The following CDH8 variants were observed in gnomAD, a reference collection of about 807,000 sequenced individuals.
CDH8 encodes cadherin 8.
Under a neutral mutation model 68.1 loss-of-function variants are expected in CDH8, and 17 were observed. That is an observed-to-expected ratio of 0.25 (90% CI 0.17 to 0.37). CDH8 has a LOEUF of 0.37. Ranked by LOEUF, CDH8 falls within the 10% of genes least tolerant of loss-of-function variation. CDH8 has a pLI of 1.00. For missense variants in CDH8, 763 were observed against 999.3 expected (o/e 0.76, Z 3.19); for synonymous variants, 372 against 365.1 (o/e 1.02, Z -0.21).
intron 10 of CDH8, among the ~76,000 whole-genome samples, chr16:61,683,379 C>T (rs540561657): frequency 6.6e-6 from 1 of 151,914 alleles, no homozygotes; most frequent in Non-Finnish European, 1.5e-5. Flanking sequence ...AATTAACAGA[C>T]CTTTAGAAGG....
chr16:61,872,304 G>C (rs1160234748), intron 3 of CDH8, among the ~76,000 whole-genome samples: 2 of 152,176 alleles, frequency 1.3e-5, no homozygotes, highest in Non-Finnish European at 2.9e-5. Flanking sequence ...AGGAGGTCCT[G>C]ATAACATGTG....
At chr16:61,779,446 T>TGTGTGTGTGTGTGTGTGTGCGC (rs1567466506) in intron 8 of CDH8, among the ~76,000 whole-genome samples, 2 of 148,976 alleles carry the variant, frequency 1.3e-5, no homozygotes, top group African/African-American at 5.0e-5. Context: ...TGTGTGTGTG[T>TGTGTGTGTGTGTGTGTGTGCGC]GTGTGTGTGT....
chr16:61,907,449 T>G (rs1567522924), intron 2 of CDH8, among the ~76,000 whole-genome samples: 1 of 151,886 alleles, frequency 6.6e-6, no homozygotes, highest in Non-Finnish European at 1.5e-5. Flanking sequence ...GAGGCTGAGG[T>G]GGGCAGATTG....
At chr16:61,961,314 CAA>C (rs796223369) in intron 2 of CDH8, among the ~76,000 whole-genome samples, 1 of 142,254 alleles carries the variant, frequency 7.0e-6, no homozygotes. Context: ...GACATAGTCT[CAA>C]AAAAAAAAAG....
chr16:61,824,635 C>T (rs189893773), intron 5 of CDH8, among the ~76,000 whole-genome samples: 146 of 151,914 alleles, frequency 9.6e-4, no homozygotes, highest in African/African-American at 2.6e-3. Flanking sequence ...TTCCCTACCT[C>T]GGGCACTAGA....
rs565221698 is a variant in CDH8, at chr16:61,884,014, A to G, written c.547+17165T>C. On this transcript the variant is annotated intron_variant, in intron 3 of 11. Coordinates refer to ENST00000577390, the MANE Select transcript of CDH8 (RefSeq NM_001796.5). ...GTGAATTTCTGTTAGAAAAAAAAGG[A>G]AAGTGTGATTAAAATGGGTTAGACA... Among the ~76,000 whole-genome samples, 13 of 152,240 alleles carry G rather than the reference A, an allele frequency of 8.5e-5. No homozygotes were observed. The East Asian group carries it at 2.3e-3, about 27-fold the overall frequency.
chr16:61,717,728 G>C (rs1300681020), intron 9 of CDH8, among the ~76,000 whole-genome samples: 1 of 150,904 alleles, frequency 6.6e-6, no homozygotes, highest in African/African-American at 2.4e-5. Context: ...TATGTGTCAG[G>C]GGGATATATG....
chr16:61,739,326 A>G (rs1041437018), intron 8 of CDH8, among the ~76,000 whole-genome samples: 1 of 152,176 alleles, frequency 6.6e-6, no homozygotes, highest in Non-Finnish European at 1.5e-5. Context: ...CTACTTTACA[A>G]CATAGTGACC....
chr16:61,780,361 A>G (rs1243969641), intron 8 of CDH8, among the ~76,000 whole-genome samples: 1 of 152,188 alleles, frequency 6.6e-6, no homozygotes, highest in East Asian at 1.9e-4. Context: ...ATCCACTACC[A>G]CTGAAATACT....
rs1357379834 is a variant in CDH8, at chr16:61,651,597, T to C, written c.*2011A>G. ...ACCACAGCCTGACTGCTTTAATGGA[T>C]GTGTTTTCACTCTAGAACCCCCTGT... On this transcript the variant is annotated 3_prime_UTR_variant, in exon 12 of 12. Transcript: ENST00000577390. 6.6e-6 allele frequency: 1 copy of C among 152,196 alleles called. No homozygotes were observed. Among genetic ancestry groups the C allele is most frequent in the Non-Finnish European group, 1.5e-5 (1 of 68,070 alleles). The allele number at this position is 152,196 out of a possible 1,614,324, so 9.4% of individuals were successfully genotyped here.
chr16:61,705,786 A>G (rs181898921), intron 10 of CDH8, among the ~76,000 whole-genome samples: 1 of 152,324 alleles, frequency 6.6e-6, no homozygotes, highest in East Asian at 1.9e-4. Flanking sequence ...AGACTATGTG[A>G]TAATTCCCAC....
chr16:61,669,564 C>T (rs117106982), intron 10 of CDH8, among the ~76,000 whole-genome samples: 8 of 152,140 alleles, frequency 5.3e-5, no homozygotes, highest in Non-Finnish European at 1.0e-4. Flanking sequence ...AAAATGATTA[C>T]GCATTTCAAG....
At chr16:61,888,321 C>G (rs1280967034) in intron 3 of CDH8, among the ~76,000 whole-genome samples, 1 of 152,170 alleles carries the variant, frequency 6.6e-6, no homozygotes, top group Non-Finnish European at 1.5e-5. Context: ...CCCATGGGTT[C>G]TAGTTGGTCC....
chr16:61,859,880 C>T (rs1297503432), intron 3 of CDH8, among the ~76,000 whole-genome samples: 4 of 152,172 alleles, frequency 2.6e-5, no homozygotes, highest in African/African-American at 4.8e-5. Context: ...GGGAGCCTTG[C>T]TCTGTCGCCC....
In CDH8 at chr16:61,960,240, T is replaced by TATGTGTGTGTATACACACATATATAC. The variant is rs1567546201; in HGVS notation, c.253-58768_253-58767insGTATATATGTGTGTATACACACACAT. On this transcript the variant is annotated intron_variant, in intron 2 of 11. Coordinates refer to ENST00000577390, the MANE Select transcript of CDH8 (RefSeq NM_001796.5). ...GTGTGTGTATACACACATATATACATGTGTGTGTGTATACACATACATATA... is the reference window on the plus strand; with the variant it reads ...GTGTGTGTATACACACATATATACATATGTGTGTGTATACACACATATATACGTGTGTGTGTATACACATACATATA... Among the ~76,000 whole-genome samples, 2 of 38,106 alleles carry TATGTGTGTGTATACACACATATATAC rather than the reference T, an allele frequency of 5.2e-5. 1 individual carries two copies. Among genetic ancestry groups the TATGTGTGTGTATACACACATATATAC allele is most frequent in the South Asian group, 1.3e-3 (2 of 1,524 alleles). The allele number at this position is 38,106 out of a possible 152,430, so 25.0% of individuals were successfully genotyped here.
intron 2 of CDH8, among the ~76,000 whole-genome samples, chr16:61,943,529 G>T (rs1176308327): frequency 1.3e-5 from 2 of 152,178 alleles, no homozygotes; most frequent in Non-Finnish European, 2.9e-5. Flanking sequence ...TGATAGAGTG[G>T]TCATTCTACT....
chr16:61,931,472 A>C (rs1228423485), intron 2 of CDH8, among the ~76,000 whole-genome samples: 1 of 152,180 alleles, frequency 6.6e-6, no homozygotes, highest in African/African-American at 2.4e-5. Context: ...CATTGCACTC[A>C]GCCTAATAAG....
intron 2 of CDH8, among the ~76,000 whole-genome samples, chr16:61,916,812 A>C (rs1216048532): frequency 2.0e-5 from 3 of 152,164 alleles, no homozygotes; most frequent in Non-Finnish European, 4.4e-5. Context: ...GAGGAGAGAA[A>C]AAATATTGGG....
intron 3 of CDH8, among the ~76,000 whole-genome samples, chr16:61,871,815 C>CAAAAAAAA (rs144379377): frequency 2.5e-4 from 11 of 43,346 alleles, no homozygotes; most frequent in Non-Finnish European, 2.8e-4. Flanking sequence ...GTTCTATATG[C>CAAAAAAAA]AAAAAAAAAA....
Sources: allele counts gnomAD v4.1 joint callset (sites outside exome capture counted in the v4.1 genomes callset), GRCh38; gene constraint gnomAD v4.1.1; transcripts MANE v1.5; gene names NCBI Gene and HGNC (gene_info 2026-07-23, HGNC 2026-07-21).